Variants in LRCH1 observed in about 807,000 individuals in gnomAD.
LRCH1 encodes leucine rich repeats and calponin homology domain containing 1.
In LRCH1, 23 loss-of-function variants were observed where a neutral mutation model predicts 94.9. That is an observed-to-expected ratio of 0.24 (90% CI 0.17 to 0.34). LRCH1 has a LOEUF of 0.34. Among genes scored for constraint, LRCH1 ranks in the 10% least tolerant of loss-of-function variants. The pLI, the probability that LRCH1 is intolerant of heterozygous loss-of-function variation, is 1.00. For synonymous variants in LRCH1, 364 were observed against 354.9 expected (o/e 1.03, Z -0.29); for missense variants, 790 against 945.9 (o/e 0.84, Z 2.16).
At position 46,586,782 on chromosome 13, in the gene LRCH1, G is replaced by A. The variant is rs367785432; in HGVS notation, c.307+33079G>A. Among the ~76,000 whole-genome samples the A allele has an allele frequency of 5.9e-5, 9 of 152,334 alleles. No individual in the cohort carries two copies. The East Asian group carries it at 1.4e-3, about 23-fold the overall frequency. On this transcript the variant is annotated intron_variant, in intron 1 of 19. Transcript: ENST00000389797. ...AATGATACTTCAGCTTTAACAGTGA[G>A]GGGTAGGCGCCAGGATCAGGTCCTG... is the stretch of plus-strand genomic sequence containing the variant.
At chr13:46,590,273 G>T (rs1219868928) in intron 1 of LRCH1, among the ~76,000 whole-genome samples, 1 of 152,052 alleles carries the variant, frequency 6.6e-6, no homozygotes, top group Non-Finnish European at 1.5e-5. Flanking sequence ...TGGGTTTCCT[G>T]TCCTCCCCCC....
At chr13:46,723,565 T>C (rs1872683848) in intron 17 of LRCH1, among the ~76,000 whole-genome samples, 1 of 151,984 alleles carries the variant, frequency 6.6e-6, no homozygotes. Context: ...CTTTAGGAGG[T>C]AGAGGCAGGC....
chr13:46,740,141 A>C (rs1272808251), intron 19 of LRCH1, among the ~76,000 whole-genome samples: 2 of 152,230 alleles, frequency 1.3e-5, no homozygotes, highest in Non-Finnish European at 2.9e-5. Flanking sequence ...TCTTATTGCA[A>C]TAGAAAACTT....
At chr13:46,616,323 G>A (rs971425579) in intron 1 of LRCH1, among the ~76,000 whole-genome samples, 3 of 152,034 alleles carry the variant, frequency 2.0e-5, no homozygotes, top group Non-Finnish European at 2.9e-5. Flanking sequence ...TTATGCTACG[G>A]CGCCATAAAA....
chr13:46,602,054 G>A (rs1380251990), intron 1 of LRCH1, among the ~76,000 whole-genome samples: 2 of 152,210 alleles, frequency 1.3e-5, no homozygotes, highest in African/African-American at 4.8e-5. Context: ...GTTTAAAGGT[G>A]ACTTCCAGGA....
chr13:46,748,695 T>C (rs1264956643), downstream of LRCH1, among the ~76,000 whole-genome samples: 1 of 152,156 alleles, frequency 6.6e-6, no homozygotes, highest in African/African-American at 2.4e-5. Context: ...GCTAATAAAT[T>C]GTCAGGCAGC....
intron 14 of LRCH1, 41 bp from the exon 15 acceptor site, chr13:46,712,483 CT>C: frequency 6.8e-7 from 1 of 1,460,732 alleles, no homozygotes; most frequent in African/African-American, 1.4e-5. Context: ...TTCTGTTTTC[CT>C]TTTATTTTTT....
intron 2 of LRCH1, among the ~76,000 whole-genome samples, chr13:46,663,575 A>T (rs74078145): frequency 6.6e-6 from 1 of 152,376 alleles, no homozygotes; most frequent in African/African-American, 2.4e-5. Flanking sequence ...CAAAACAGCA[A>T]AAAGTTACTC....
rs181402474 is a variant in LRCH1 at position 46,605,376 on chromosome 13, G to A, written c.308-44825G>A. On this transcript the variant is annotated intron_variant, in intron 1 of 19. Coordinates refer to ENST00000389797, the MANE Select transcript of LRCH1 (RefSeq NM_001164211.2). ...TATATATTTATTTTACAGAAGCCTT[G>A]TGCCTTTTATCCGTTCATATCCACT... Among the ~76,000 whole-genome samples, 11 of 152,228 alleles carry A rather than the reference G, an allele frequency of 7.2e-5. No individual in the cohort carries two copies. The East Asian group carries it at 1.9e-3, about 27-fold the overall frequency.
At chr13:46,634,720 G>A (rs2051061883) in intron 1 of LRCH1, among the ~76,000 whole-genome samples, 1 of 152,212 alleles carries the variant, frequency 6.6e-6, no homozygotes, top group Admixed American at 6.5e-5. Context: ...GTCAGAGTCT[G>A]AGTTACTTGA....
At chr13:46,735,709 T>C (rs1299088716) in intron 19 of LRCH1, among the ~76,000 whole-genome samples, 1 of 152,158 alleles carries the variant, frequency 6.6e-6, no homozygotes, top group Non-Finnish European at 1.5e-5. Flanking sequence ...CAGTGTCCCA[T>C]TTAACTATGT....
At chr13:46,741,568 T>C in intron 19 of LRCH1, 74 bp from the exon 20 acceptor site, 1 of 1,590,886 alleles carries the variant, frequency 6.3e-7, no homozygotes, top group Non-Finnish European at 8.6e-7. Context: ...GTGTGCTTCT[T>C]TCTAGCTGTT....
At chr13:46,750,476 A>G (rs1874079468) in intron 18 of LRCH1, 1 of 1,149,670 alleles carries the variant, frequency 8.7e-7, no homozygotes, top group Non-Finnish European at 1.3e-6. Flanking sequence ...TCAACGATGT[A>G]GCAGGATTTT....
At chr13:46,751,167 C>A (rs1874118769) in exon 19 of LRCH1, 1 of 151,970 alleles carries the variant, frequency 6.6e-6, no homozygotes, top group Admixed American at 6.6e-5. Flanking sequence ...GTTATTCATC[C>A]TTTGGATGCA....
intron 17 of LRCH1, among the ~76,000 whole-genome samples, chr13:46,726,674 C>G (rs974558582): frequency 6.6e-6 from 1 of 152,024 alleles, no homozygotes; most frequent in East Asian, 1.9e-4. Flanking sequence ...TAAGGAAGCT[C>G]GTCTGCTCCC....
chr13:46,740,461 C>A (rs1365409922), intron 19 of LRCH1, among the ~76,000 whole-genome samples: 1 of 152,214 alleles, frequency 6.6e-6, no homozygotes, highest in African/African-American at 2.4e-5. Context: ...TCAGAGGACA[C>A]AAGTGAGGCA....
intron 1 of LRCH1, among the ~76,000 whole-genome samples, chr13:46,616,906 C>T (rs1470497991): frequency 6.6e-6 from 1 of 152,196 alleles, no homozygotes; most frequent in Admixed American, 6.5e-5. Context: ...TCACAAAGTA[C>T]ATTCTCAAGG....
At chr13:46,664,533 G>A (rs1417301825) in intron 2 of LRCH1, among the ~76,000 whole-genome samples, 1 of 152,188 alleles carries the variant, frequency 6.6e-6, no homozygotes, top group Non-Finnish European at 1.5e-5. Context: ...GCCTAGCCAT[G>A]GAGTAGGCTA....
At chr13:46,558,484 C>T (rs1358448328) in intron 1 of LRCH1, among the ~76,000 whole-genome samples, 1 of 147,672 alleles carries the variant, frequency 6.8e-6, no homozygotes, top group African/African-American at 2.5e-5. Context: ...ACCTGTAATC[C>T]CAGCATTTTG....
Sources: gnomAD v4.1 joint callset for allele counts (sites outside exome capture counted in the v4.1 genomes callset) on GRCh38, gnomAD v4.1.1 for gene constraint, MANE v1.5 for transcripts, NCBI Gene and HGNC (gene_info 2026-07-23, HGNC 2026-07-21) for gene names.